The following DCHS2 variants were observed in gnomAD, a reference collection of about 807,000 sequenced individuals.
The protein encoded by DCHS2 is protocadherin-23.
In DCHS2, 142 loss-of-function variants were observed where a neutral mutation model predicts 182.4. That is an observed-to-expected ratio of 0.78 (90% CI 0.68 to 0.89). The LOEUF (loss-of-function observed/expected upper bound fraction) is 0.89, where lower values mean the gene tolerates loss of function less well. Among genes scored for constraint, DCHS2 ranks in the 40% least tolerant of loss-of-function variants. DCHS2 has a pLI of 0.00. For synonymous variants in DCHS2, 1,740 were observed against 1,663.3 expected (o/e 1.05, Z -1.12); for missense variants, 4,319 against 4,198.6 (o/e 1.03, Z -0.79).
chr4:154,476,203 T>C (rs948126667), intron 1 of DCHS2, among the ~76,000 whole-genome samples: 4 of 152,218 alleles, frequency 2.6e-5, no homozygotes, highest in African/African-American at 9.6e-5. Context: ...TTTTAAAAAG[T>C]GATTTCTTAC....
chr4:154,237,339 A>G, intron 19 of DCHS2, 180 bp from the exon 20 acceptor site: 1 of 836,246 alleles, frequency 1.2e-6, no homozygotes, highest in Non-Finnish European at 1.7e-6. Flanking sequence ...TGTTTATAAC[A>G]TGTAAGATAC....
chr4:154,287,134 AT>A (rs986908035), intron 13 of DCHS2, among the ~76,000 whole-genome samples: 8 of 152,206 alleles, frequency 5.3e-5, no homozygotes, highest in Admixed American at 1.3e-4. Flanking sequence ...TGAAGGAGAA[AT>A]AAAGACTTTT....
rs542699713 is a variant in DCHS2, at chr4:154,286,178, C to T, written c.6463+11673G>A. Among the ~76,000 whole-genome samples, 6 of 152,238 alleles carry T rather than the reference C, an allele frequency of 3.9e-5. No individual in the cohort carries two copies. The South Asian group carries it at 8.3e-4, about 21-fold the overall frequency. ...CAGATATGACTGCAGTGACCAAAAA[C>T]TTAGATCACAACACCAAAGTCACTT... On this transcript the variant is annotated intron_variant, in intron 13 of 19. Coordinates refer to ENST00000357232, the MANE Select transcript of DCHS2 (RefSeq NM_001358235.2).
At chr4:154,386,702 G>A (rs1731437070) in intron 1 of DCHS2, among the ~76,000 whole-genome samples, 1 of 152,124 alleles carries the variant, frequency 6.6e-6, no homozygotes, top group Non-Finnish European at 1.5e-5. Flanking sequence ...TCATATTGAG[G>A]TGCTAGAAAT....
chr4:154,316,815 A>T (rs538663521), intron 9 of DCHS2, among the ~76,000 whole-genome samples: 1 of 152,240 alleles, frequency 6.6e-6, no homozygotes, highest in African/African-American at 2.4e-5. Flanking sequence ...AAGATGTTAT[A>T]ACTCAGACAA....
rs1731338251 is a variant in DCHS2 at position 154,234,339 on chromosome 4, A to G, written c.*197T>C. 1.4e-6 allele frequency: 1 copy of G among 705,138 alleles called. No individual in the cohort carries two copies. The highest frequency in any genetic ancestry group is 2.2e-6 in the Non-Finnish European group (1 of 450,622). The allele number at this position is 705,138 out of a possible 1,614,324, so 43.7% of individuals were successfully genotyped here. A position where few individuals can be genotyped will look rare whatever the true frequency, so the allele number is the denominator to read the frequency against. On this transcript the variant is annotated 3_prime_UTR_variant, in exon 20 of 20. Transcript: ENST00000357232. ...TGAGTCCTGAGAGCAACACATAAGG[A>G]TTAAAAGAGGAAATAACTTTTCATT...
chr4:154,266,706 C>T (rs1042528292), intron 14 of DCHS2, among the ~76,000 whole-genome samples: 4 of 150,960 alleles, frequency 2.6e-5, no homozygotes, highest in Admixed American at 6.6e-5. Context: ...AGTGTTGGTA[C>T]AGAGGTTATA....
chr4:154,309,678 T>C (rs1179840458), intron 10 of DCHS2, among the ~76,000 whole-genome samples: 12 of 152,144 alleles, frequency 7.9e-5, no homozygotes, highest in Admixed American at 7.9e-4. Context: ...GACTCTGAGA[T>C]TGGTTTGGTT....
chr4:154,333,155 A>G lies in DCHS2; in HGVS notation c.3053T>C (p.Ile1018Thr). Residue 1018 changes from isoleucine (I) to threonine (T), a missense_variant, in exon 5 of 20, where the codon ATC (isoleucine) becomes ACC (threonine). Transcript: ENST00000357232. ...SGRNGLIRYS[I>T]ASPQPGVFAI... ...AAAGACGCCTGGCTGCGGGCTGGCG[A>G]TGGAGTACCGGATGAGTCCGTTCCG... is the stretch of plus-strand genomic sequence containing the variant. 1.2e-6 allele frequency: 2 copies of G among 1,614,178 alleles called. No individual in the cohort carries two copies. The highest frequency in any genetic ancestry group is 1.7e-6 in the Non-Finnish European group (2 of 1,180,040).
rs201072592 is a variant in DCHS2, at chr4:154,235,920, A to G, written c.8732T>C (p.Ile2911Thr). Residue 2911 changes from isoleucine to threonine, a missense_variant, in exon 20 of 20, where the codon ATT becomes ACT. Transcript: ENST00000357232. ...AAGGGAGTAAAGAATGACTCCATCA[A>G]TACCAGCATCTGCATCTGAGGCTTC... ...RVEASDADAGIDGVILYSLGT... is the reference protein window; with the variant it reads ...RVEASDADAGTDGVILYSLGT... 5.6e-6 allele frequency: 9 copies of G among 1,613,944 alleles called. No individual in the cohort carries two copies. Among genetic ancestry groups the G allele is most frequent in the Non-Finnish European group, 6.8e-6 (8 of 1,179,966 alleles).
intron 12 of DCHS2, among the ~76,000 whole-genome samples, chr4:154,302,983 A>ATAT (rs1554004844): frequency 9.6e-6 from 1 of 103,850 alleles, no homozygotes; most frequent in Non-Finnish European, 2.0e-5. Context: ...ACACACACAT[A>ATAT]TTTTTTTTTT....
At position 154,332,794 on chromosome 4, in the gene DCHS2, G is replaced by T; in HGVS notation, c.3414C>A (p.Tyr1138Ter). The change falls in exon 5 of 20, where the codon TAC becomes TAA. Residue 1138 changes from tyrosine (Y) to a stop codon, truncating the protein, a stop_gained. Transcript: ENST00000357232. LOFTEE classifies it high-confidence loss of function. Reference protein sequence around the residue: ...VDSAMFGIRPYTGWIYLRRQF... With the variant: ...VDSAMFGIRP ...GTCGCCGCAAATAAATCCAGCCCGT[G>T]TAAGGGCGGATTCCAAACATAGCAG... is the stretch of plus-strand genomic sequence containing the variant. 1 of 1,614,250 alleles carries T rather than the reference G, an allele frequency of 6.2e-7. No homozygotes were observed. The highest frequency in any genetic ancestry group is 8.5e-7 in the Non-Finnish European group (1 of 1,180,038).
chr4:154,235,785 A>G lies in DCHS2; in HGVS notation c.8867T>C (p.Met2956Thr). ...TTTGGGACTATGAGCGATTATTTTC[A>G]TTTCCAAGGTGTCTTCTTTGTTGAG... ...SQLNKEDTLE[M>T]KIIAHSPKSD... The change falls in exon 20 of 20, where the codon ATG becomes ACG. Residue 2956 changes from methionine (M) to threonine (T), a missense_variant. By Grantham distance (81) the Met-to-Thr change is moderately conservative. Transcript: ENST00000357232. 6.2e-7 allele frequency: 1 copy of G among 1,613,864 alleles called. No homozygotes were observed. Among genetic ancestry groups the G allele is most frequent in the Admixed American group, 1.7e-5 (1 of 59,970 alleles).
Position 154,232,670 on chromosome 4 carries a change from A to T in DCHS2, c.*1866T>A, listed in dbSNP as rs958126936. The T allele has an allele frequency of 5.3e-5, 8 of 152,176 alleles. No individual in the cohort carries two copies. Among genetic ancestry groups the T allele is most frequent in the African/African-American group, 1.9e-4 (8 of 41,462 alleles). 9.4% of individuals were successfully genotyped at this position (152,176 alleles called of 1,614,324 possible). A position where few individuals can be genotyped will look rare whatever the true frequency, so the allele number is the denominator to read the frequency against. ...TAGGGTTTCTTTCTATGCTCAAAGC[A>T]ATGTTTTCAAAAGAGTCAGAGATAA... is the stretch of plus-strand genomic sequence containing the variant. On this transcript the variant is annotated 3_prime_UTR_variant, in exon 20 of 20. Transcript: ENST00000357232.
At chr4:154,339,968 C>G (rs556945552) in intron 3 of DCHS2, among the ~76,000 whole-genome samples, 82 of 152,158 alleles carry the variant, frequency 5.4e-4, no homozygotes, top group Admixed American at 7.2e-4. Flanking sequence ...GGGAAGCTCA[C>G]TTTTTACTTC....
intron 1 of DCHS2, among the ~76,000 whole-genome samples, chr4:154,417,657 G>T (rs995499467): frequency 6.6e-6 from 1 of 152,164 alleles, no homozygotes; most frequent in African/African-American, 2.4e-5. Flanking sequence ...AGATTTCACT[G>T]AGCACCCTTT....
intron 12 of DCHS2, 24 bp from the exon 13 acceptor site, chr4:154,298,732 T>C (rs1439901336): frequency 2.6e-6 from 4 of 1,529,886 alleles, no homozygotes; most frequent in Middle Eastern, 1.8e-4. Flanking sequence ...CAATTACAAA[T>C]TCATTTGAAT....
chr4:154,435,607 A>T (rs1486593511), intron 1 of DCHS2, among the ~76,000 whole-genome samples: 1 of 152,122 alleles, frequency 6.6e-6, no homozygotes, highest in Non-Finnish European at 1.5e-5. Context: ...AAAAAAAAAA[A>T]AATTACAGAA....
chr4:154,369,013 A>C (rs1730521311), intron 2 of DCHS2, among the ~76,000 whole-genome samples: 3 of 152,220 alleles, frequency 2.0e-5, no homozygotes. Context: ...ATCTGTTAAT[A>C]AACTGTATAT....
Sources: allele counts gnomAD v4.1 joint callset (sites outside exome capture counted in the v4.1 genomes callset), GRCh38; gene constraint gnomAD v4.1.1; transcripts MANE v1.5; gene names NCBI Gene and HGNC (gene_info 2026-07-23, HGNC 2026-07-21).